ZRANB3: variants seen among roughly 807,000 people sequenced by gnomAD.
ZRANB3 encodes the protein DNA annealing helicase and endonuclease ZRANB3.
Under a neutral mutation model 133.8 loss-of-function variants are expected in ZRANB3, and 125 were observed. That is an observed-to-expected ratio of 0.93 (90% CI 0.81 to 1.08). The LOEUF is 1.08. Among genes scored for constraint, ZRANB3 ranks in the 50% least tolerant of loss-of-function variants. The pLI is 0.00. For missense variants in ZRANB3, 1,229 were observed against 1,275.5 expected (o/e 0.96, Z 0.56); for synonymous variants, 387 against 432.7 (o/e 0.89, Z 1.31).
At chr2:135,266,474 G>C (rs1348446935) in intron 11 of ZRANB3, among the ~76,000 whole-genome samples, 1 of 151,832 alleles carries the variant, frequency 6.6e-6, no homozygotes, top group Non-Finnish European at 1.5e-5. Flanking sequence ...ACCTTTTAAA[G>C]TCTAATAAGA....
At chr2:135,314,842 G>A (rs541358691) in intron 7 of ZRANB3, among the ~76,000 whole-genome samples, 30 of 151,530 alleles carry the variant, frequency 2.0e-4, no homozygotes, top group Non-Finnish European at 4.3e-4. Flanking sequence ...TCTGCCTCCT[G>A]GGTTCAAGCT....
chr2:135,234,269 T>C (rs1162410392), intron 12 of ZRANB3, among the ~76,000 whole-genome samples: 1 of 152,100 alleles, frequency 6.6e-6, no homozygotes, highest in African/African-American at 2.4e-5. Flanking sequence ...ACGCACCCAA[T>C]ACAGGAACAC....
At chr2:135,479,990 G>C (rs80156243) in intron 2 of ZRANB3, among the ~76,000 whole-genome samples, 176 of 151,534 alleles carry the variant, frequency 1.2e-3, no homozygotes, top group South Asian at 2.3e-3. Flanking sequence ...CTGGAGTGCA[G>C]TGGTGCCATC....
intron 11 of ZRANB3, among the ~76,000 whole-genome samples, chr2:135,265,973 G>A (rs1171951979): frequency 6.6e-6 from 1 of 152,164 alleles, no homozygotes; most frequent in Non-Finnish European, 1.5e-5. Context: ...ACTTTGGGAG[G>A]CCAAGGGGGG....
chr2:135,388,739 T>G (rs368473916), intron 3 of ZRANB3, among the ~76,000 whole-genome samples: 53 of 152,308 alleles, frequency 3.5e-4, no homozygotes, highest in Middle Eastern at 3.4e-3. Context: ...TTTCAGTCAT[T>G]TGGACTCTCA....
rs145865251 is a variant in ZRANB3, at chr2:135,381,879, C to G, written c.180+8923G>C. On this transcript the variant is annotated intron_variant, in intron 3 of 20. Transcript: ENST00000264159. Reference sequence around the variant, plus strand: ...ATCAAATACCAAAGGTAGATAAAACCACAAAGATGGGGAAAAAACAGAGCA... The same window carrying G: ...ATCAAATACCAAAGGTAGATAAAACGACAAAGATGGGGAAAAAACAGAGCA... Among the ~76,000 whole-genome samples the G allele has an allele frequency of 3.0e-3, 452 of 152,166 alleles. 3 individuals are homozygous for G. Among genetic ancestry groups the G allele is most frequent in the African/African-American group, 0.01 (421 of 41,518 alleles).
In ZRANB3 at chr2:135,230,857, G is replaced by T. The variant is rs1694981625; in HGVS notation, c.1610C>A (p.Thr537Asn). 2 of 1,599,848 alleles carry T rather than the reference G, an allele frequency of 1.3e-6. No homozygotes were observed. Among genetic ancestry groups the T allele is most frequent in the African/African-American group, 1.3e-5 (1 of 74,142 alleles). ...VPQPKKRQLM[T>N]SCDESKRFRE... ...GAATCTCTTTGATTCGTCACAGGAG[G>T]TCATCAACTGTCTTTTTTTAGGTTG... is the stretch of plus-strand genomic sequence containing the variant. Residue 537 changes from threonine (T) to asparagine (N), a missense_variant, in exon 13 of 21, where the codon ACC (threonine) becomes AAC (asparagine). Thr to Asn is a moderately conservative substitution (Grantham distance 65). Transcript: ENST00000264159.
At chr2:135,438,993 T>C (rs1482517759) in intron 2 of ZRANB3, among the ~76,000 whole-genome samples, 1 of 152,242 alleles carries the variant, frequency 6.6e-6, no homozygotes, top group Non-Finnish European at 1.5e-5. Flanking sequence ...CCTTACCTTC[T>C]AATTACTATA....
intron 8 of ZRANB3, among the ~76,000 whole-genome samples, chr2:135,281,198 G>A (rs947886142): frequency 3.3e-5 from 5 of 152,288 alleles, no homozygotes; most frequent in African/African-American, 9.6e-5. Flanking sequence ...CTTCCCTACT[G>A]TTTTAACAAG....
chr2:135,443,728 A>C (rs1689897248), intron 2 of ZRANB3, among the ~76,000 whole-genome samples: 1 of 152,162 alleles, frequency 6.6e-6, no homozygotes, highest in Admixed American at 6.6e-5. Context: ...ACTTTTCAAA[A>C]AGTATCAAGG....
rs1273194359 is a variant in ZRANB3, at chr2:135,392,350, A to AG, written c.162-1531_162-1530insC. 2.5e-5 allele frequency among the ~76,000 whole-genome samples: 3 copies of AG among 121,092 alleles called. No homozygotes were observed. In the East Asian group the frequency reaches 9.0e-4, roughly 36 times the overall value. The allele number at this position is 121,092 out of a possible 152,430, so 79.4% of individuals were successfully genotyped here. On this transcript the variant is annotated intron_variant, in intron 2 of 20. Coordinates refer to ENST00000264159, the MANE Select transcript of ZRANB3 (RefSeq NM_032143.4). The stretch of plus-strand genomic sequence containing the variant: ...AAAACAAAATGAAAATACAAAAAAA[A>AG]AAAAAGGGGGGGGGGGCAGGAAAAA...
intron 13 of ZRANB3, among the ~76,000 whole-genome samples, chr2:135,229,011 C>T (rs1250389490): frequency 2.6e-5 from 4 of 152,116 alleles, no homozygotes; most frequent in African/African-American, 9.7e-5. Flanking sequence ...AATCATTCAA[C>T]TTATACATTT....
At chr2:135,476,130 T>C (rs1208687062) in intron 2 of ZRANB3, among the ~76,000 whole-genome samples, 1 of 152,138 alleles carries the variant, frequency 6.6e-6, no homozygotes, top group Non-Finnish European at 1.5e-5. Flanking sequence ...GCTGATCTAA[T>C]AAAAGTTAAA....
chr2:135,484,582 A>T lies in ZRANB3; in HGVS notation c.161+19747T>A, dbSNP rs114037207. On this transcript the variant is annotated intron_variant, in intron 2 of 20. Coordinates refer to ENST00000264159, the MANE Select transcript of ZRANB3 (RefSeq NM_032143.4). ...GAGCAGAGATTCAAAGATTTAATGC[A>T]TGGTTTTTTAATATCTATGAAAAAA... is the stretch of plus-strand genomic sequence containing the variant. Among the ~76,000 whole-genome samples the T allele has an allele frequency of 5.9e-3, 901 of 152,074 alleles. 11 individuals are homozygous for T. Among genetic ancestry groups the T allele is most frequent in the African/African-American group, 0.021 (854 of 41,542 alleles).
At chr2:135,281,643 C>A (rs1467914167) in intron 8 of ZRANB3, among the ~76,000 whole-genome samples, 1 of 152,172 alleles carries the variant, frequency 6.6e-6, no homozygotes, top group Non-Finnish European at 1.5e-5. Context: ...GGTCAGACAA[C>A]AGAAGACAGA....
At chr2:135,470,436 A>C (rs1691205181) in intron 2 of ZRANB3, among the ~76,000 whole-genome samples, 1 of 152,174 alleles carries the variant, frequency 6.6e-6, no homozygotes, top group South Asian at 2.1e-4. Flanking sequence ...CTGTAATCCC[A>C]GTACTTTGGG....
chr2:135,449,691 A>G (rs1690181110), intron 2 of ZRANB3, among the ~76,000 whole-genome samples: 1 of 152,346 alleles, frequency 6.6e-6, no homozygotes, highest in African/African-American at 2.4e-5. Flanking sequence ...GCACTGTGCC[A>G]AGTGCTTTAC....
chr2:135,312,537 C>T (rs993846799), intron 8 of ZRANB3, among the ~76,000 whole-genome samples: 5 of 152,098 alleles, frequency 3.3e-5, no homozygotes, highest in Admixed American at 3.3e-4. Flanking sequence ...GATAAGTTTA[C>T]TTGACAGTTA....
intron 2 of ZRANB3, among the ~76,000 whole-genome samples, chr2:135,427,137 C>T (rs534026375): frequency 1.3e-5 from 2 of 151,600 alleles, no homozygotes; most frequent in East Asian, 3.9e-4. Flanking sequence ...TGGAAGCATT[C>T]CCCTTTAGAA....
Sources: allele counts gnomAD v4.1 joint callset (sites outside exome capture counted in the v4.1 genomes callset), GRCh38; gene constraint gnomAD v4.1.1; transcripts MANE v1.5; gene names NCBI Gene and HGNC (gene_info 2026-07-23, HGNC 2026-07-21).